Variants in RRM1 observed in about 807,000 individuals in gnomAD.
RRM1 encodes the protein ribonucleoside-diphosphate reductase large subunit.
A neutral mutation model predicts 101.5 loss-of-function variants in RRM1; 19 were observed. That is an observed-to-expected ratio of 0.19 (90% confidence interval 0.13 to 0.27). The LOEUF is 0.27. Ranked by LOEUF, RRM1 falls within the 10% of genes least tolerant of loss-of-function variation. The pLI is 1.00. For missense variants in RRM1, 500 were observed against 962.9 expected, an observed-to-expected ratio of 0.52 and a Z score of 6.36; for synonymous variants, 298 against 323.4, an observed-to-expected ratio of 0.92 and a Z score of 0.84.
At position 4,107,365 on chromosome 11, in the gene RRM1, C is replaced by T. The variant is rs570431319; in HGVS notation, c.287-70C>T. Reference sequence around the variant, plus strand: ...AAGGGTTGAGAACCACTGTTTTCAACTATTACCTAAAGATTGAATTAGCTG... The same window carrying T: ...AAGGGTTGAGAACCACTGTTTTCAATTATTACCTAAAGATTGAATTAGCTG... On this transcript the variant is annotated intron_variant, in intron 3 of 18. Coordinates refer to ENST00000300738, the MANE Select transcript of RRM1 (RefSeq NM_001033.5). 13 of 1,066,344 alleles carry T rather than the reference C, an allele frequency of 1.2e-5. No individual in the cohort carries two copies. In the South Asian group the frequency reaches 1.5e-4, roughly 13 times the overall value. The allele number at this position is 1,066,344 out of a possible 1,614,324, so 66.1% of individuals were successfully genotyped here. A position where few individuals can be genotyped will look rare whatever the true frequency, so the allele number is the denominator to read the frequency against.
At chr11:4,123,729 G>A (rs183384307) in intron 12 of RRM1, among the ~76,000 whole-genome samples, 106 of 152,248 alleles carry the variant, frequency 7.0e-4, no homozygotes, top group Non-Finnish European at 1.1e-3. Context: ...TAAGCCTTGA[G>A]CCTGGAAAGT....
intron 7 of RRM1, among the ~76,000 whole-genome samples, chr11:4,114,683 A>T (rs1464936728): frequency 6.6e-6 from 1 of 152,174 alleles, no homozygotes; most frequent in Non-Finnish European, 1.5e-5. Flanking sequence ...TTACTGGATG[A>T]CCACTGTCGT....
intron 12 of RRM1, among the ~76,000 whole-genome samples, chr11:4,126,393 CAT>C (rs749251743): frequency 7.2e-5 from 11 of 152,120 alleles, no homozygotes; most frequent in Non-Finnish European, 1.0e-4. Context: ...CTAATTATAA[CAT>C]AGTGTGATAT....
chr11:4,109,617 T>C, intron 4 of RRM1, 27 bp from the exon 5 acceptor site: 2 of 1,570,896 alleles, frequency 1.3e-6, no homozygotes, highest in Admixed American at 1.8e-5. Flanking sequence ...TTTAATTTAA[T>C]TATGGGTTCT....
At position 4,124,645 on chromosome 11, in the gene RRM1, C is replaced by A. The variant is rs557845555; in HGVS notation, c.1320+1261C>A. The stretch of plus-strand genomic sequence containing the variant: ...TTTTAAAATAAAAATCAGATAATGT[C>A]ATTTGTCTGCACAAAACTACTCTTT... On this transcript the variant is annotated intron_variant, in intron 12 of 18. Coordinates refer to ENST00000300738, the MANE Select transcript of RRM1 (RefSeq NM_001033.5). Among the ~76,000 whole-genome samples, 3 of 152,150 alleles carry A rather than the reference C, an allele frequency of 2.0e-5. No individual in the cohort carries two copies. The East Asian group carries it at 5.8e-4, about 29-fold the overall frequency.
At chr11:4,104,737 G>T (rs1327077246) in intron 2 of RRM1, among the ~76,000 whole-genome samples, 1 of 152,174 alleles carries the variant, frequency 6.6e-6, no homozygotes, top group East Asian at 1.9e-4. Context: ...CTTTGGTTGA[G>T]AATCATTTGA....
intron 11 of RRM1, among the ~76,000 whole-genome samples, 190 bp from the exon 12 acceptor site, chr11:4,122,993 C>A (rs1724437311): frequency 6.6e-6 from 1 of 152,078 alleles, no homozygotes; most frequent in Admixed American, 6.6e-5. Context: ...TCTGAAGGCA[C>A]CTAAAACTGC....
At chr11:4,106,869 C>G (rs920088764) in intron 3 of RRM1, among the ~76,000 whole-genome samples, 10 of 152,002 alleles carry the variant, frequency 6.6e-5, no homozygotes, top group Admixed American at 1.3e-4. Flanking sequence ...GATCTTTGTT[C>G]TTTTTTTCAT....
intron 15 of RRM1, among the ~76,000 whole-genome samples, chr11:4,130,088 T>TATA (rs1235882420): frequency 9.1e-4 from 44 of 48,174 alleles, no homozygotes; most frequent in Middle Eastern, 0.013. Context: ...ATATATATAT[T>TATA]TTTTTTTTTT....
chr11:4,114,901 C>CG (rs984099015), intron 7 of RRM1, among the ~76,000 whole-genome samples: 10 of 152,088 alleles, frequency 6.6e-5, no homozygotes, highest in African/African-American at 2.4e-4. Context: ...TTAATACAGA[C>CG]GGGGTTTCAC....
chr11:4,121,373 A>G (rs2133308286), intron 9 of RRM1, among the ~76,000 whole-genome samples: 1 of 152,334 alleles, frequency 6.6e-6, no homozygotes, highest in East Asian at 1.9e-4. Context: ...AGAAAAGTTA[A>G]TCTTGTTTCA....
intron 3 of RRM1, among the ~76,000 whole-genome samples, chr11:4,106,675 G>T (rs1565180495): frequency 1.3e-5 from 2 of 152,218 alleles, no homozygotes; most frequent in Middle Eastern, 3.4e-3. Context: ...TTGAACCCGG[G>T]AGGCGGAGGT....
rs535080955 is a variant in RRM1, at chr11:4,109,485, A to G, written c.388-159A>G. Among the ~76,000 whole-genome samples, 3 of 152,118 alleles carry G rather than the reference A, an allele frequency of 2.0e-5. No individual in the cohort carries two copies. The South Asian group carries it at 6.2e-4, about 32-fold the overall frequency. ...ATATGTATTGTTTCTTTTTTTTAGA[A>G]TGTTAGATGGACTTCTATTCTACAG... is the stretch of plus-strand genomic sequence containing the variant. On this transcript the variant is annotated intron_variant, in intron 4 of 18. Transcript: ENST00000300738.
chr11:4,114,629 A>G (rs2094570214), intron 7 of RRM1, among the ~76,000 whole-genome samples: 1 of 152,162 alleles, frequency 6.6e-6, no homozygotes, highest in Admixed American at 6.5e-5. Flanking sequence ...TGCACACTAA[A>G]TTTATTTTAA....
intron 1 of RRM1, 87 bp downstream of exon 1, chr11:4,095,118 C>T (rs2094541624): frequency 1.4e-6 from 2 of 1,437,082 alleles, no homozygotes; most frequent in Non-Finnish European, 1.9e-6. Flanking sequence ...GCCCGCCCGC[C>T]TTCGCTGCTT....
intron 12 of RRM1, among the ~76,000 whole-genome samples, chr11:4,125,932 TGA>T (rs2094588779): frequency 6.6e-6 from 1 of 152,362 alleles, no homozygotes; most frequent in Non-Finnish European, 1.5e-5. Flanking sequence ...GTAGTCCATG[TGA>T]GAGAAGTTAA....
chr11:4,124,544 T>G (rs1264982622), intron 12 of RRM1, among the ~76,000 whole-genome samples: 1 of 152,198 alleles, frequency 6.6e-6, no homozygotes, highest in African/African-American at 2.4e-5. Flanking sequence ...AACTTCTAAT[T>G]TAGTTGGAAG....
chr11:4,102,101 A>G lies in RRM1; in HGVS notation c.108+20A>G, dbSNP rs771764072. ...GATCCTGTAAGTAAATATGGTTTTT[A>G]TCTTGGGTTCCTTCTTTCATGTGTT... On this transcript the variant is annotated intron_variant, in intron 2 of 18. Transcript: ENST00000300738. 3.2e-5 allele frequency: 40 copies of G among 1,259,640 alleles called. No individual in the cohort carries two copies. The highest frequency in any genetic ancestry group is 1.9e-4 in the Middle Eastern group (1 of 5,378). 78.0% of individuals were successfully genotyped at this position (1,259,640 alleles called of 1,614,324 possible). A position where few individuals can be genotyped will look rare whatever the true frequency, so the allele number is the denominator to read the frequency against.
rs758690565 is a variant in RRM1, at chr11:4,119,810, G to A, written c.793-35G>A. 3.9e-6 allele frequency: 5 copies of A among 1,293,060 alleles called. No homozygotes were observed. The African/African-American group carries it at 5.8e-5, about 15-fold the overall frequency. 80.1% of individuals were successfully genotyped at this position (1,293,060 alleles called of 1,614,324 possible). A position where few individuals can be genotyped will look rare whatever the true frequency, so the allele number is the denominator to read the frequency against. On this transcript the variant is annotated intron_variant, in intron 8 of 18. Transcript: ENST00000300738. ...CATTTTTTTCTTTTCTTTGCTGAGTGCCCTCTGTCATTTCTATCATGGTCT... is the reference window on the plus strand; with the variant it reads ...CATTTTTTTCTTTTCTTTGCTGAGTACCCTCTGTCATTTCTATCATGGTCT...
Sources: allele counts gnomAD v4.1 joint callset (sites outside exome capture counted in the v4.1 genomes callset), GRCh38; gene constraint gnomAD v4.1.1; transcripts MANE v1.5; gene names NCBI Gene and HGNC (gene_info 2026-07-23, HGNC 2026-07-21).